The following CEP83 variants were observed in gnomAD, a reference collection of about 807,000 sequenced individuals.
The protein encoded by CEP83 is centrosomal protein 83, also known as centrosomal protein of 83 kDa.
Under a neutral mutation model 101.9 loss-of-function variants are expected in CEP83, and 70 were observed. The ratio of observed to expected loss-of-function variants is 0.69; its 90% confidence interval spans 0.57 to 0.84. The LOEUF (loss-of-function observed/expected upper bound fraction) is 0.84. CEP83 is among the 40% of genes least tolerant of loss of function. The pLI, the probability that CEP83 is intolerant of heterozygous loss-of-function variation, is 0.00. For synonymous variants in CEP83, 264 were observed against 267.9 expected (o/e 0.99, Z 0.14); for missense variants, 715 against 787.2 (o/e 0.91, Z 1.10).
At chr12:94,397,059 A>C (rs1273895897) in intron 6 of CEP83, among the ~76,000 whole-genome samples, 2 of 152,226 alleles carry the variant, frequency 1.3e-5, no homozygotes, top group Non-Finnish European at 2.9e-5. Context: ...ACAATTATAC[A>C]CTCAGTAATA....
chr12:94,379,194 T>C, intron 6 of CEP83, 152 bp from the exon 7 acceptor site: 3 of 658,354 alleles, frequency 4.6e-6, no homozygotes, highest in Non-Finnish European at 7.6e-6. Context: ...AGTATCACTA[T>C]CTTTTTGTTC....
intron 1 of CEP83, among the ~76,000 whole-genome samples, chr12:94,446,866 T>C (rs187984865): frequency 5.1e-4 from 78 of 152,256 alleles, no homozygotes; most frequent in African/African-American, 1.8e-3. Context: ...AAAACATTAA[T>C]TGACACATCT....
chr12:94,347,050 AAT>A (rs137940620), intron 11 of CEP83, among the ~76,000 whole-genome samples: 35 of 131,912 alleles, frequency 2.7e-4, no homozygotes, highest in Middle Eastern at 4.0e-3. Flanking sequence ...AAAATAAACA[AAT>A]ATATATATAT....
chr12:94,364,687 A>G (rs533251218), intron 11 of CEP83, among the ~76,000 whole-genome samples: 1 of 152,210 alleles, frequency 6.6e-6, no homozygotes, highest in Non-Finnish European at 1.5e-5. Flanking sequence ...AGACAACCAG[A>G]TGAGTGAAAC....
intron 14 of CEP83, among the ~76,000 whole-genome samples, chr12:94,313,409 C>T (rs1970167059): frequency 6.6e-6 from 1 of 151,820 alleles, no homozygotes; most frequent in African/African-American, 2.4e-5. Context: ...GTGGCTCATG[C>T]CTGTAATCCC....
At chr12:94,276,330 C>T in the CEP83 span, among the ~76,000 whole-genome samples, 1 of 152,136 alleles carries the variant, frequency 6.6e-6, no homozygotes, top group African/African-American at 2.4e-5. Flanking sequence ...CCAACAAGAT[C>T]GTAGGTGGTG....
chr12:94,331,325 T>C lies in CEP83; in HGVS notation c.1707+375A>G, dbSNP rs573537616. On this transcript the variant is annotated intron_variant, in intron 14 of 16. Coordinates refer to ENST00000397809, the MANE Select transcript of CEP83 (RefSeq NM_016122.3). ...AAAAAAAAAAAAAAAAAGATTTAAT[T>C]ATATTTTACTCCATAGAAATCACCT... Among the ~76,000 whole-genome samples the C allele has an allele frequency of 4.5e-5, 6 of 132,042 alleles. No individual in the cohort carries two copies. In the East Asian group the frequency reaches 1.1e-3, roughly 23 times the overall value. 86.6% of individuals were successfully genotyped at this position (132,042 alleles called of 152,430 possible).
intron 4 of CEP83, among the ~76,000 whole-genome samples, chr12:94,409,784 A>C (rs1432629219): frequency 1.3e-5 from 2 of 152,114 alleles, no homozygotes; most frequent in East Asian, 3.8e-4. Flanking sequence ...CTTCTGGAGC[A>C]CTTAAATCTC....
chr12:94,398,348 G>A (rs1232353702), intron 6 of CEP83, among the ~76,000 whole-genome samples: 1 of 152,206 alleles, frequency 6.6e-6, no homozygotes, highest in African/African-American at 2.4e-5. Flanking sequence ...AACAATTCAT[G>A]TTGTGGGAAG....
downstream of CEP83, chr12:94,307,503 TAA>T (rs912914757): frequency 3.3e-5 from 5 of 152,334 alleles, no homozygotes; most frequent in African/African-American, 1.2e-4. Context: ...AAACCATTTA[TAA>T]ACTTTTTTTT....
intron 12 of CEP83, among the ~76,000 whole-genome samples, chr12:94,335,001 T>TA (rs2059391915): frequency 6.6e-6 from 1 of 152,094 alleles, no homozygotes. Context: ...CCAACTCGCA[T>TA]ATGAGCATGA....
In CEP83 at chr12:94,378,915, C is replaced by T. The variant is rs774346909; in HGVS notation, c.677G>A (p.Gly226Asp). Residue 226 changes from glycine (G) to aspartate (D), a missense_variant, in exon 7 of 17, where the codon GGT (glycine) becomes GAT (aspartate). By Grantham distance (94) the Gly-to-Asp change is moderately conservative. Coordinates refer to ENST00000397809, the MANE Select transcript of CEP83 (RefSeq NM_016122.3). ...TAATTCCGCTACTTCAGCCTCTAAA[C>T]CTTTTAATTTTTGACACAAATAGAC... The part of the protein sequence containing the change: ...EKVYLCQKLK[G>D]LEAEVAELKA... The T allele has an allele frequency of 6.2e-7, 1 of 1,614,074 alleles. No individual in the cohort carries two copies. The highest frequency in any genetic ancestry group is 8.5e-7 in the Non-Finnish European group (1 of 1,179,978).
chr12:94,294,745 T>A, the CEP83 span, among the ~76,000 whole-genome samples: 74 of 152,352 alleles, frequency 4.9e-4, no homozygotes, highest in African/African-American at 1.8e-3. Flanking sequence ...AGATGGTGGT[T>A]GGCCTGGACT....
chr12:94,356,449 C>A (rs1365415419), intron 11 of CEP83, among the ~76,000 whole-genome samples: 1 of 152,184 alleles, frequency 6.6e-6, no homozygotes. Context: ...CCAGAGGACA[C>A]TGGGTGAAAA....
chr12:94,380,435 C>T (rs2061783972), intron 6 of CEP83, among the ~76,000 whole-genome samples: 1 of 152,148 alleles, frequency 6.6e-6, no homozygotes, highest in African/African-American at 2.4e-5. Context: ...GTTAAGTCCT[C>T]AAAAGCCCAA....
chr12:94,419,544 C>A (rs566470344), intron 2 of CEP83, among the ~76,000 whole-genome samples: 1 of 152,024 alleles, frequency 6.6e-6, no homozygotes, highest in East Asian at 1.9e-4. Context: ...AGGCCAACAA[C>A]AGTGGAAATG....
chr12:94,457,299 T>C (rs2067755721), intron 1 of CEP83, among the ~76,000 whole-genome samples: 1 of 152,190 alleles, frequency 6.6e-6, no homozygotes, highest in Non-Finnish European at 1.5e-5. Context: ...TTACACACAT[T>C]CCCTAAAAGC....
intron 6 of CEP83, among the ~76,000 whole-genome samples, chr12:94,384,434 C>G (rs556561016): frequency 6.6e-6 from 1 of 152,236 alleles, no homozygotes; most frequent in South Asian, 2.1e-4. Flanking sequence ...CTTGAAGCTA[C>G]ATGTTTGTGC....
downstream of CEP83, chr12:94,303,824 T>C (rs1968732294): frequency 1.2e-6 from 2 of 1,611,784 alleles, no homozygotes; most frequent in Non-Finnish European, 1.7e-6. Context: ...TAAAATCTTA[T>C]TACAAAGCAA....
Sources: allele counts gnomAD v4.1 joint callset (sites outside exome capture counted in the v4.1 genomes callset), GRCh38; gene constraint gnomAD v4.1.1; transcripts MANE v1.5; gene names NCBI Gene and HGNC (gene_info 2026-07-23, HGNC 2026-07-21).